ATP8A2: variants seen among roughly 807,000 people sequenced by gnomAD.
ATP8A2 encodes phospholipid-transporting ATPase IB.
A neutral mutation model predicts 165.6 loss-of-function variants in ATP8A2; 100 were observed. That is an observed-to-expected ratio of 0.60 (90% CI 0.51 to 0.71). The LOEUF is 0.71. Ranked by LOEUF, ATP8A2 falls within the 30% of genes least tolerant of loss-of-function variation. ATP8A2 has a pLI of 0.00. For missense variants in ATP8A2, 1,227 were observed against 1,479.5 expected (o/e 0.83, Z 2.80); for synonymous variants, 543 against 548.8 (o/e 0.99, Z 0.15).
At chr13:25,466,886 T>A (rs950223539) in intron 1 of ATP8A2, among the ~76,000 whole-genome samples, 8 of 152,268 alleles carry the variant, frequency 5.3e-5, no homozygotes, top group South Asian at 2.1e-4. Context: ...AATGATGATA[T>A]CTGGTACTGT....
Position 25,532,330 on chromosome 13 carries a change from G to T in ATP8A2, c.466+13G>T. The T allele has an allele frequency of 6.2e-7, 1 of 1,601,136 alleles. No homozygotes were observed. On this transcript the variant is annotated intron_variant, in intron 5 of 36. Transcript: ENST00000381655. ...AAGAAAACAATAGGTAAGATCCCAG[G>T]CTGAAGGACTTTTTCCACTGGAAAA...
chr13:25,381,953 GCACCATAGCGTCA>G (rs1291818693), intron 1 of ATP8A2, among the ~76,000 whole-genome samples: 2 of 152,138 alleles, frequency 1.3e-5, no homozygotes, highest in Admixed American at 1.3e-4. Flanking sequence ...TATGAATTCA[GCACCATAGCGTCA>G]CACCATGATG....
rs550814656 is a variant in ATP8A2, at chr13:25,554,854, C to T, written c.1186-137C>T. 1,995 of 545,854 alleles carry T rather than the reference C, an allele frequency of 3.7e-3. 24 individuals carry two copies. Among genetic ancestry groups the T allele is most frequent in the Middle Eastern group, 7.8e-3 (15 of 1,932 alleles). The allele number at this position is 545,854 out of a possible 1,614,324, so 33.8% of individuals were successfully genotyped here. A position where few individuals can be genotyped will look rare whatever the true frequency, so the allele number is the denominator to read the frequency against. On this transcript the variant is annotated intron_variant, in intron 12 of 36. Coordinates refer to ENST00000381655, the MANE Select transcript of ATP8A2 (RefSeq NM_016529.6). ...GGATTACAGGCATGAGCCACTGCGC[C>T]CAGCCAAAATCAGCATTTCTATTAA...
chr13:25,481,803 G>C (rs938421093), intron 2 of ATP8A2, among the ~76,000 whole-genome samples: 18 of 152,168 alleles, frequency 1.2e-4, no homozygotes, highest in Admixed American at 9.8e-4. Context: ...GAGTGAGCAA[G>C]AGCAAGAGCG....
chr13:25,440,422 A>G (rs2034901234), intron 1 of ATP8A2, among the ~76,000 whole-genome samples: 1 of 152,024 alleles, frequency 6.6e-6, no homozygotes, highest in Non-Finnish European at 1.5e-5. Context: ...CATCCATCCT[A>G]CGTTACTTGT....
intron 24 of ATP8A2, among the ~76,000 whole-genome samples, chr13:25,645,690 A>T (rs1040278835): frequency 2.0e-5 from 3 of 152,004 alleles, no homozygotes; most frequent in Admixed American, 1.3e-4. Context: ...GTTCCGAAGG[A>T]TGTTTAATTT....
intron 33 of ATP8A2, among the ~76,000 whole-genome samples, chr13:25,910,476 A>C (rs996038868): frequency 6.6e-6 from 1 of 152,202 alleles, no homozygotes; most frequent in African/African-American, 2.4e-5. Context: ...TTCTGTGCAG[A>C]ACTGCAGTAT....
chr13:25,787,993 C>T (rs577679016), intron 27 of ATP8A2, among the ~76,000 whole-genome samples: 2 of 152,344 alleles, frequency 1.3e-5, no homozygotes, highest in Non-Finnish European at 1.5e-5. Flanking sequence ...ACAGACATGG[C>T]TTTCCCTGGA....
At chr13:25,480,522 G>A (rs1378074534) in intron 2 of ATP8A2, among the ~76,000 whole-genome samples, 12 of 149,998 alleles carry the variant, frequency 8.0e-5, no homozygotes, top group East Asian at 4.0e-4. Context: ...CAGACGGGGC[G>A]GCGGGGCAAA....
intron 24 of ATP8A2, among the ~76,000 whole-genome samples, chr13:25,596,384 A>G (rs1341527247): frequency 6.6e-6 from 1 of 152,252 alleles, no homozygotes; most frequent in Non-Finnish European, 1.5e-5. Context: ...GTATATAAGC[A>G]TGTAATCACC....
Position 25,910,254 on chromosome 13 carries a change from C to CT in ATP8A2, c.3183+47848dup, listed in dbSNP as rs1297700058. Among the ~76,000 whole-genome samples the CT allele has an allele frequency of 5.3e-5, 8 of 152,102 alleles. No individual in the cohort carries two copies. In the East Asian group the frequency reaches 1.5e-3, roughly 29 times the overall value. On this transcript the variant is annotated intron_variant, in intron 33 of 36. Coordinates refer to ENST00000381655, the MANE Select transcript of ATP8A2 (RefSeq NM_016529.6). ...TTGCTGTTTTCATAATGGAATAATA[C>CT]TTGAATGGGTATAGGCCCTTATTGG...
chr13:25,547,270 G>A (rs1016167882), intron 10 of ATP8A2, among the ~76,000 whole-genome samples: 5 of 152,014 alleles, frequency 3.3e-5, no homozygotes, highest in Non-Finnish European at 7.4e-5. Context: ...TGGCTGTGAA[G>A]AACCAGGCCC....
intron 1 of ATP8A2, among the ~76,000 whole-genome samples, chr13:25,406,090 C>T (rs1459911663): frequency 6.6e-6 from 1 of 152,162 alleles, no homozygotes; most frequent in East Asian, 1.9e-4. Context: ...ATGACCTGTT[C>T]CAGTGGTCAG....
At chr13:25,669,604 A>G (rs1369303768) in intron 24 of ATP8A2, among the ~76,000 whole-genome samples, 2 of 152,086 alleles carry the variant, frequency 1.3e-5, no homozygotes, top group African/African-American at 4.8e-5. Context: ...CCTAGCTTCC[A>G]CAGCGTATAC....
chr13:25,476,917 T>C (rs555491424), intron 2 of ATP8A2, among the ~76,000 whole-genome samples: 3 of 152,320 alleles, frequency 2.0e-5, no homozygotes, highest in African/African-American at 7.2e-5. Context: ...TGTTATCACC[T>C]TTACACCCCT....
At chr13:25,922,103 A>T (rs1954476623) in intron 33 of ATP8A2, among the ~76,000 whole-genome samples, 1 of 152,214 alleles carries the variant, frequency 6.6e-6, no homozygotes, top group Non-Finnish European at 1.5e-5. Flanking sequence ...AATATAGAAG[A>T]ATAAGGACGT....
In ATP8A2 at chr13:25,531,345, GATATATATGTTATATATGAT is replaced by G. The variant is rs1422966636; in HGVS notation, c.420+703_420+722del. On this transcript the variant is annotated intron_variant, in intron 4 of 36. Transcript: ENST00000381655. ...TATATGATATATATATGTTATATAT[GATATATATGTTATATATGAT>G]ATATATATGTTATATATATGATATA... Among the ~76,000 whole-genome samples the G allele has an allele frequency of 1.9e-3, 238 of 122,546 alleles. 5 individuals carry two copies. The highest frequency in any genetic ancestry group is 7.6e-3 in the African/African-American group (227 of 29,864). 80.4% of individuals were successfully genotyped at this position (122,546 alleles called of 152,430 possible). A position where few individuals can be genotyped will look rare whatever the true frequency, so the allele number is the denominator to read the frequency against.
intron 24 of ATP8A2, among the ~76,000 whole-genome samples, chr13:25,601,183 G>C (rs2040374862): frequency 6.6e-6 from 1 of 152,226 alleles, no homozygotes; most frequent in African/African-American, 2.4e-5. Flanking sequence ...TCTGTACTTA[G>C]AAAAGTCTTT....
At position 25,779,729 on chromosome 13, in the gene ATP8A2, T is replaced by C. The variant is rs78489773; in HGVS notation, c.2679+4770T>C. Among the ~76,000 whole-genome samples the C allele has an allele frequency of 7.0e-3, 1,060 of 152,334 alleles. 6 individuals carry two copies. The highest frequency in any genetic ancestry group is 0.016 in the African/African-American group (674 of 41,564). On this transcript the variant is annotated intron_variant, in intron 27 of 36. Coordinates refer to ENST00000381655, the MANE Select transcript of ATP8A2 (RefSeq NM_016529.6). ...CATAGATCATGCCATTATGTAACTA[T>C]CTCTCCATGTAATTTAGAAGCAGAA...
Sources: allele counts gnomAD v4.1 joint callset (sites outside exome capture counted in the v4.1 genomes callset), GRCh38; gene constraint gnomAD v4.1.1; transcripts MANE v1.5; gene names NCBI Gene and HGNC (gene_info 2026-07-23, HGNC 2026-07-21).